EP400: variants seen among roughly 807,000 people sequenced by gnomAD.
The protein encoded by EP400 is E1A-binding protein p400.
A neutral mutation model predicts 354.1 loss-of-function variants in EP400; 105 were observed. The observed-to-expected ratio is 0.30, with a 90% CI of 0.25 to 0.35. The LOEUF (loss-of-function observed/expected upper bound fraction) is 0.35, where lower values mean the gene tolerates loss of function less well. EP400 is among the 10% of genes least tolerant of loss of function. The pLI, the probability that EP400 is intolerant of heterozygous loss-of-function variation, is 1.00. For missense variants in EP400, 3,280 were observed against 4,121.0 expected (o/e 0.80, Z 5.59); for synonymous variants, 1,646 against 1,716.9 (o/e 0.96, Z 1.02).
chr12:132,006,029 A>C (rs1271874360), intron 13 of EP400, 83 bp from the exon 14 acceptor site: 7 of 1,370,040 alleles, frequency 5.1e-6, no homozygotes, highest in Admixed American at 2.6e-5. Flanking sequence ...GGATTCTATA[A>C]ACTTTTTCCT....
chr12:131,985,776 T>A (rs1249259254), intron 5 of EP400, among the ~76,000 whole-genome samples: 2 of 151,976 alleles, frequency 1.3e-5, no homozygotes, highest in African/African-American at 4.8e-5. Flanking sequence ...GCCCGGCTAA[T>A]TTTGTATTTT....
In EP400 at chr12:131,979,675, T is replaced by C; in HGVS notation, c.1336-19T>C. On this transcript the variant is annotated intron_variant, in intron 2 of 52. Transcript: ENST00000389561. ...GGCCTTCAGTGATCAAAATCTCATTTTTTCATCTTTTTTCCCAGCAGCAAG... is the reference window on the plus strand; with the variant it reads ...GGCCTTCAGTGATCAAAATCTCATTCTTTCATCTTTTTTCCCAGCAGCAAG... 1 of 1,597,324 alleles carries C rather than the reference T, an allele frequency of 6.3e-7. No individual in the cohort carries two copies. Among genetic ancestry groups the C allele is most frequent in the Non-Finnish European group, 8.5e-7 (1 of 1,174,236 alleles).
intron 32 of EP400, among the ~76,000 whole-genome samples, chr12:132,039,584 C>T (rs1272085583): frequency 6.6e-6 from 1 of 152,242 alleles, no homozygotes; most frequent in African/African-American, 2.4e-5. Context: ...CCAACCCCGC[C>T]ACCACCCCGT....
rs1225565461 is a variant in EP400, at chr12:132,069,547, C to T, written c.8927C>T (p.Ala2976Val). The change falls in exon 51 of 53, where the codon GCC (alanine) becomes GTC (valine). Residue 2976 changes from alanine (A) to valine (V), a missense_variant. Coordinates refer to ENST00000389561, the MANE Select transcript of EP400 (RefSeq NM_015409.5). ...GGCGCGCAGCAGAAGGTTGCCTACG[C>T]CGCGCAGCCGGCCCTTAAGACCCAG... is the stretch of plus-strand genomic sequence containing the variant. ...TPGAQQKVAY[A>V]AQPALKTQFL... 3 of 1,614,244 alleles carry T rather than the reference C, an allele frequency of 1.9e-6. No homozygotes were observed. Among genetic ancestry groups the T allele is most frequent in the Admixed American group, 3.3e-5 (2 of 60,036 alleles).
chr12:132,013,496 A>G lies in EP400; in HGVS notation c.3618A>G (p.Gln1206=), dbSNP rs370743385. The G allele has an allele frequency of 5.5e-5, 86 of 1,562,630 alleles. No homozygotes were observed. The highest frequency in any genetic ancestry group is 7.3e-5 in the Non-Finnish European group (84 of 1,153,554). ...TCTCTTGTCCTGTTTGCAGCCAACA[A>G]CGTCTGCTTCTGATCGACTCGCCGC... ...WEAVFTLQSQ[Q]RLLLIDSPLH... The change falls in exon 18 of 53, where the codon CAA becomes CAG. Residue 1206 remains glutamine, a synonymous_variant. Transcript: ENST00000389561. The surrounding 1 kb of genome is among the most constrained non-coding windows in gnomAD (Gnocchi z 4.5).
Position 132,075,629 on chromosome 12 carries a change from A to G in EP400, c.9022-887A>G, listed in dbSNP as rs1376860667. On this transcript the variant is annotated intron_variant, in intron 51 of 52. Transcript: ENST00000389561. This position sits in a 1 kb window ranked among gnomAD's most constrained non-coding sequence, Gnocchi z 4.5. The stretch of plus-strand genomic sequence containing the variant: ...ATTGTTTAAGTGACAGTAAACTAGT[A>G]AATGCCTTCTGATTGATTTTAATTT... The G allele has an allele frequency of 6.6e-6, 1 of 152,246 alleles. No individual in the cohort carries two copies. The highest frequency in any genetic ancestry group is 2.4e-5 in the African/African-American group (1 of 41,464). 9.4% of individuals were successfully genotyped at this position (152,246 alleles called of 1,614,324 possible). A position where few individuals can be genotyped will look rare whatever the true frequency, so the allele number is the denominator to read the frequency against.
At position 132,073,004 on chromosome 12, in the gene EP400, G is replaced by C. The variant is rs372619382; in HGVS notation, c.9021+3363G>C. 4.6e-5 allele frequency among the ~76,000 whole-genome samples: 7 copies of C among 152,226 alleles called. No homozygotes were observed. The East Asian group carries it at 1.3e-3, about 29-fold the overall frequency. On this transcript the variant is annotated intron_variant, in intron 51 of 52. Coordinates refer to ENST00000389561, the MANE Select transcript of EP400 (RefSeq NM_015409.5). ...CCTTCCTTGTTTTCAGCCATTCTCTGTGTGTCCCTCGTCACCTCCTGTGAG... is the reference window on the plus strand; with the variant it reads ...CCTTCCTTGTTTTCAGCCATTCTCTCTGTGTCCCTCGTCACCTCCTGTGAG...
chr12:132,020,288 T>A (rs1894083402), intron 22 of EP400, 70 bp downstream of exon 22: 1 of 1,476,872 alleles, frequency 6.8e-7, no homozygotes, highest in African/African-American at 1.4e-5. Context: ...TGGCACTTTC[T>A]TCTCGCGCCT....
intron 12 of EP400, among the ~76,000 whole-genome samples, chr12:132,001,347 C>CAG (rs1216833808): frequency 3.9e-5 from 6 of 151,932 alleles, no homozygotes; most frequent in South Asian, 2.1e-4. Flanking sequence ...GCAGCCGAGG[C>CAG]AGAGAGAGAG....
chr12:132,046,570 G>A (rs1380018334), intron 39 of EP400, among the ~76,000 whole-genome samples: 1 of 152,202 alleles, frequency 6.6e-6, no homozygotes, highest in African/African-American at 2.4e-5. Context: ...TTTACGTGTA[G>A]TGTAGTCAAA....
intron 45 of EP400, among the ~76,000 whole-genome samples, chr12:132,060,935 A>C (rs1565932417): frequency 6.6e-6 from 1 of 151,846 alleles, no homozygotes; most frequent in Non-Finnish European, 1.5e-5. Context: ...AAAAACAAAA[A>C]ACAAAACAAA....
intron 1 of EP400, among the ~76,000 whole-genome samples, chr12:131,952,429 G>A (rs1005375818): frequency 7.2e-5 from 11 of 151,890 alleles, no homozygotes; most frequent in Non-Finnish European, 1.5e-5. Context: ...TTACAGGTGT[G>A]AGCCACCGCG....
At chr12:132,043,279 C>T (rs1395994350) in intron 32 of EP400, 25 bp from the exon 33 acceptor site, 1 of 1,592,480 alleles carries the variant, frequency 6.3e-7, no homozygotes, top group Non-Finnish European at 8.5e-7. Context: ...TCTATCAAGG[C>T]AATCTAAACA....
At chr12:132,004,478 T>G (rs986297944) in intron 12 of EP400, among the ~76,000 whole-genome samples, 7 of 152,198 alleles carry the variant, frequency 4.6e-5, no homozygotes, top group South Asian at 2.1e-4. Context: ...CATTTTTGCT[T>G]TTTGTTTCTT....
chr12:132,045,974 C>T, intron 39 of EP400, 74 bp downstream of exon 39: 1 of 1,538,900 alleles, frequency 6.5e-7, no homozygotes, highest in Non-Finnish European at 8.8e-7. Context: ...GTTTCAGCTC[C>T]AGTCCTGCTC....
At position 132,045,327 on chromosome 12, in the gene EP400, A is replaced by T; in HGVS notation, c.6793A>T (p.Arg2265Trp). The T allele has an allele frequency of 6.2e-7, 1 of 1,614,216 alleles. No individual in the cohort carries two copies. The change falls in exon 38 of 53, where the codon AGG becomes TGG. Residue 2265 changes from arginine (R) to tryptophan (W), a missense_variant. Coordinates refer to ENST00000389561, the MANE Select transcript of EP400 (RefSeq NM_015409.5). ...RHKTDPSAAGRKKKQRHGEAV... is the reference protein window; with the variant it reads ...RHKTDPSAAGWKKKQRHGEAV... The stretch of plus-strand genomic sequence containing the variant: ...ACTGCCTCTCTGTTCAGCTGCAGGC[A>T]GGAAGAAGAAGCAGCGTCACGGGGA...
chr12:131,962,116 T>G (rs561674093), intron 2 of EP400, among the ~76,000 whole-genome samples, 162 bp downstream of exon 2: 1 of 152,320 alleles, frequency 6.6e-6, no homozygotes, highest in East Asian at 1.9e-4. Context: ...AAGAATGTGT[T>G]TGGCCTCCTT....
chr12:132,023,895 C>A lies in EP400; in HGVS notation c.4809C>A (p.His1603Gln). The change falls in exon 24 of 53, where the codon CAC becomes CAA. Residue 1603 changes from histidine (H) to glutamine (Q), a missense_variant. By Grantham distance (24) the His-to-Gln change is conservative. Transcript: ENST00000389561. ...QFQGSKFTLS[H>Q]SQLRQLTAGQ... is the part of the protein sequence containing the mutation. ...AGGGCAGCAAGTTCACCCTGTCACA[C>A]AGCCAGCTCCGGCAGCTCACAGCGG... 1 of 1,612,546 alleles carries A rather than the reference C, an allele frequency of 6.2e-7. No individual in the cohort carries two copies. The highest frequency in any genetic ancestry group is 8.5e-7 in the Non-Finnish European group (1 of 1,179,456).
At position 132,027,035 on chromosome 12, in the gene EP400, G is replaced by A. The variant is rs1894330684; in HGVS notation, c.5015-402G>A. Among the ~76,000 whole-genome samples the A allele has an allele frequency of 6.6e-6, 1 of 152,226 alleles. No individual in the cohort carries two copies. On this transcript the variant is annotated intron_variant, in intron 25 of 52. Transcript: ENST00000389561. This position sits in a 1 kb window ranked among gnomAD's most constrained non-coding sequence, Gnocchi z 4.9. ...TTCCTGCCGGGGCTGGGCTGCTCAT[G>A]GCAGGCAAGGGCCTCACAGTCATCA...
Sources: allele counts gnomAD v4.1 joint callset (sites outside exome capture counted in the v4.1 genomes callset), GRCh38; gene constraint gnomAD v4.1.1; non-coding constraint Gnocchi (gnomAD v3.1); transcripts MANE v1.5; gene names NCBI Gene and HGNC (gene_info 2026-07-23, HGNC 2026-07-21).